Variants in ZBTB20 observed in about 807,000 individuals in gnomAD.
The protein encoded by ZBTB20 is zinc finger and BTB domain containing 20.
Under a neutral mutation model 56.9 loss-of-function variants are expected in ZBTB20, and 9 were observed. The ratio of observed to expected loss-of-function variants is 0.16; its 90% CI spans 0.10 to 0.28. The LOEUF (loss-of-function observed/expected upper bound fraction) is 0.28, where lower values mean the gene tolerates loss of function less well. ZBTB20 is among the 10% of genes least tolerant of loss of function. ZBTB20 has a pLI of 1.00. For missense variants in ZBTB20, 655 were observed against 1,003.0 expected (o/e 0.65, Z 4.69); for synonymous variants, 417 against 420.7 (o/e 0.99, Z 0.11).
At chr3:114,873,761 C>T (rs1406776238) in intron 4 of ZBTB20, among the ~76,000 whole-genome samples, 1 of 152,154 alleles carries the variant, frequency 6.6e-6, no homozygotes, top group Non-Finnish European at 1.5e-5. Context: ...CTGCTTATAA[C>T]ATAATTTTCC....
intron 7 of ZBTB20, among the ~76,000 whole-genome samples, chr3:114,399,350 A>C (rs2086617459): frequency 6.6e-6 from 1 of 152,140 alleles, no homozygotes; most frequent in Non-Finnish European, 1.5e-5. Flanking sequence ...ATAAATAAGA[A>C]TGTTTACTTG....
At chr3:115,075,421 T>G (rs971771537) in intron 1 of ZBTB20, among the ~76,000 whole-genome samples, 1 of 152,206 alleles carries the variant, frequency 6.6e-6, no homozygotes, top group Non-Finnish European at 1.5e-5. Context: ...TAGCACAGTG[T>G]CCTCAAGTTT....
intron 5 of ZBTB20, among the ~76,000 whole-genome samples, chr3:114,790,920 A>G (rs1295749665): frequency 6.6e-6 from 1 of 152,148 alleles, no homozygotes. Context: ...TAGTAGCAAC[A>G]GAAGACTTCC....
chr3:114,670,980 T>C (rs577279681), intron 6 of ZBTB20, among the ~76,000 whole-genome samples: 6 of 152,266 alleles, frequency 3.9e-5, no homozygotes, highest in Non-Finnish European at 7.4e-5. Context: ...GTCTCAAGTA[T>C]TGCTTGAAAT....
chr3:114,340,931 G>C (rs1026759122), intron 11 of ZBTB20, among the ~76,000 whole-genome samples: 1 of 152,098 alleles, frequency 6.6e-6, no homozygotes, highest in Non-Finnish European at 1.5e-5. Context: ...TATGGTAATA[G>C]CAGCAATGAA....
At chr3:114,885,513 G>T (rs2076570522) in intron 4 of ZBTB20, among the ~76,000 whole-genome samples, 1 of 152,036 alleles carries the variant, frequency 6.6e-6, no homozygotes, top group Non-Finnish European at 1.5e-5. Flanking sequence ...ATTTACTCAT[G>T]ATAGAAGAGT....
At chr3:115,142,883 G>A (rs1271038531) in intron 1 of ZBTB20, among the ~76,000 whole-genome samples, 1 of 152,112 alleles carries the variant, frequency 6.6e-6, no homozygotes, top group Non-Finnish European at 1.5e-5. Flanking sequence ...GTAGGTATAA[G>A]CGTGACAAAC....
At chr3:114,539,351 A>G (rs1352641949) in intron 6 of ZBTB20, among the ~76,000 whole-genome samples, 3 of 152,120 alleles carry the variant, frequency 2.0e-5, no homozygotes, top group African/African-American at 7.2e-5. Context: ...CCATTTTGTT[A>G]TGTTGATTCT....
At chr3:114,401,249 A>G (rs1247939279) in intron 7 of ZBTB20, among the ~76,000 whole-genome samples, 1 of 152,106 alleles carries the variant, frequency 6.6e-6, no homozygotes, top group Non-Finnish European at 1.5e-5. Context: ...TCTGATAACC[A>G]ATATACTTAG....
intron 6 of ZBTB20, among the ~76,000 whole-genome samples, chr3:114,599,747 T>G (rs957147957): frequency 6.6e-6 from 1 of 151,950 alleles, no homozygotes; most frequent in Non-Finnish European, 1.5e-5. Flanking sequence ...AACCCAGGCA[T>G]AGAAATGTTG....
At chr3:115,119,969 A>T (rs1303197554) in intron 1 of ZBTB20, among the ~76,000 whole-genome samples, 1 of 152,088 alleles carries the variant, frequency 6.6e-6, no homozygotes, top group Non-Finnish European at 1.5e-5. Flanking sequence ...ATTCTGGAAA[A>T]GGCAAAACTA....
intron 7 of ZBTB20, among the ~76,000 whole-genome samples, chr3:114,433,159 C>T (rs2090245250): frequency 6.6e-6 from 1 of 152,148 alleles, no homozygotes; most frequent in Non-Finnish European, 1.5e-5. Context: ...AAAAGATTTT[C>T]CTTCTGCCCT....
chr3:114,575,591 TAAAA>T (rs11338329), intron 6 of ZBTB20, among the ~76,000 whole-genome samples: 1 of 138,298 alleles, frequency 7.2e-6, no homozygotes, highest in Non-Finnish European at 1.6e-5. Context: ...CTTTAAAAAA[TAAAA>T]AAAAAAAAAA....
rs1429776045 is a variant in ZBTB20, at chr3:114,896,507, A to G, written c.-417+3797T>C. Among the ~76,000 whole-genome samples, 9 of 152,266 alleles carry G rather than the reference A, an allele frequency of 5.9e-5. No individual in the cohort carries two copies. The East Asian group carries it at 1.7e-3, about 29-fold the overall frequency. On this transcript the variant is annotated intron_variant, in intron 4 of 11. Transcript: ENST00000675478. ...GAAATAAGCCAAACACGAGAAGAGA[A>G]ATACTATATGATTCCACTTATATAA...
At chr3:115,110,708 GC>G (rs1424176277) in intron 1 of ZBTB20, among the ~76,000 whole-genome samples, 2 of 152,088 alleles carry the variant, frequency 1.3e-5, no homozygotes, top group African/African-American at 4.8e-5. Flanking sequence ...AACAAATCCG[GC>G]CAGGTGTGGT....
chr3:114,805,493 G>C (rs1033240048), intron 4 of ZBTB20, among the ~76,000 whole-genome samples: 3 of 81,344 alleles, frequency 3.7e-5, no homozygotes, highest in African/African-American at 8.1e-5. Context: ...GAGGTGATGT[G>C]CCCTTCTTAT....
chr3:114,791,599 A>G (rs2070960959), intron 5 of ZBTB20: 1 of 152,186 alleles, frequency 6.6e-6, no homozygotes, highest in African/African-American at 2.4e-5. Flanking sequence ...AACAGTAACA[A>G]TGCTACACAT....
intron 5 of ZBTB20, among the ~76,000 whole-genome samples, chr3:114,754,691 A>G (rs1247516987): frequency 6.6e-6 from 1 of 152,218 alleles, no homozygotes; most frequent in Non-Finnish European, 1.5e-5. Flanking sequence ...CAGACTCAAC[A>G]TATGACTTTG....
intron 2 of ZBTB20, among the ~76,000 whole-genome samples, chr3:115,021,150 C>G (rs2080187552): frequency 6.6e-6 from 1 of 150,798 alleles, no homozygotes. Flanking sequence ...TTTTGGAATG[C>G]CATTTTTAAT....
Sources: allele counts gnomAD v4.1 joint callset (sites outside exome capture counted in the v4.1 genomes callset), GRCh38; gene constraint gnomAD v4.1.1; transcripts MANE v1.5; gene names NCBI Gene and HGNC (gene_info 2026-07-23, HGNC 2026-07-21).